Variants in FBN3 observed in about 807,000 individuals in gnomAD.
FBN3 encodes fibrillin-3.
A neutral mutation model predicts 330.1 loss-of-function variants in FBN3; 234 were observed. The observed-to-expected ratio is 0.71, with a 90% CI of 0.64 to 0.79. The LOEUF (loss-of-function observed/expected upper bound fraction) is 0.79, where lower values mean the gene tolerates loss of function less well. Among genes scored for constraint, FBN3 ranks in the 30% least tolerant of loss-of-function variants. The probability of loss-of-function intolerance (pLI) is 0.00; values close to 1 mark genes in which losing one functional copy is unlikely to be tolerated. For missense variants in FBN3, 3,606 were observed against 3,886.9 expected (o/e 0.93, Z 1.92); for synonymous variants, 1,458 against 1,517.3 (o/e 0.96, Z 0.91).
chr19:8,085,825 CT>C (rs2081931249), intron 55 of FBN3, among the ~76,000 whole-genome samples: 1 of 151,986 alleles, frequency 6.6e-6, no homozygotes, highest in South Asian at 2.1e-4. Flanking sequence ...GAGCGTCCCG[CT>C]CTTCCAGTAT....
chr19:8,108,667 G>T (rs994315049), intron 36 of FBN3, among the ~76,000 whole-genome samples: 1 of 152,012 alleles, frequency 6.6e-6, no homozygotes, highest in African/African-American at 2.4e-5. Flanking sequence ...TCACACCTGA[G>T]GCCTTTGCAC....
At chr19:8,086,770 AT>A (rs1250196207) in intron 54 of FBN3, among the ~76,000 whole-genome samples, 6 of 149,932 alleles carry the variant, frequency 4.0e-5, no homozygotes, top group African/African-American at 1.5e-4. Flanking sequence ...GCCCAGCCTT[AT>A]TTTCATTTTT....
chr19:8,094,836 A>T (rs961824289), intron 46 of FBN3, among the ~76,000 whole-genome samples: 1 of 152,086 alleles, frequency 6.6e-6, no homozygotes, highest in African/African-American at 2.4e-5. Flanking sequence ...CCACCAGCAG[A>T]TTCCTTCCAT....
intron 38 of FBN3, 75 bp downstream of exon 38, chr19:8,106,033 G>A (rs1444386789): frequency 6.3e-7 from 1 of 1,576,382 alleles, no homozygotes; most frequent in African/African-American, 1.3e-5. Context: ...CTCTACCCTT[G>A]TGAGGCTTGG....
intron 37 of FBN3, 57 bp from the exon 38 acceptor site, chr19:8,106,290 G>A: frequency 1.2e-6 from 2 of 1,601,404 alleles, no homozygotes; most frequent in Non-Finnish European, 1.7e-6. Flanking sequence ...AGGACTTAAG[G>A]GGCACCCACA....
intron 5 of FBN3, 150 bp downstream of exon 5, chr19:8,145,693 A>AG (rs1383450406): frequency 1.7e-6 from 1 of 588,308 alleles, no homozygotes; most frequent in East Asian, 3.0e-5. Flanking sequence ...AAAAAAAAAA[A>AG]AAAAAAAGAG....
intron 41 of FBN3, 99 bp downstream of exon 41, chr19:8,100,802 G>C: frequency 8.0e-6 from 7 of 875,722 alleles, no homozygotes; most frequent in Non-Finnish European, 1.3e-5. Flanking sequence ...GGATGGAGGA[G>C]TGGATGTAAG....
At chr19:8,141,352 T>G (rs1348830814) in intron 8 of FBN3, among the ~76,000 whole-genome samples, 4 of 121,408 alleles carry the variant, frequency 3.3e-5, no homozygotes, top group Admixed American at 9.7e-5. Flanking sequence ...GGTAACAGAG[T>G]GAGACTCTGT....
In FBN3 at chr19:8,126,839, G is replaced by T. The variant is rs756219280; in HGVS notation, c.2297-7C>A. 3 of 1,542,832 alleles carry T rather than the reference G, an allele frequency of 1.9e-6. No individual in the cohort carries two copies. Among genetic ancestry groups the T allele is most frequent in the Non-Finnish European group, 2.6e-6 (3 of 1,147,322 alleles). ...GACAGGCATTCGTCGACATCTGTGG[G>T]GACAGCCCCCCACCAGGTCCTGAGC... On this transcript the variant is annotated splice_polypyrimidine_tract_variant and splice_region_variant and intron_variant, in intron 18 of 63. Transcript: ENST00000600128.
At chr19:8,106,057 C>A in intron 38 of FBN3, 51 bp downstream of exon 38, 4 of 1,604,788 alleles carry the variant, frequency 2.5e-6, no homozygotes, top group Non-Finnish European at 3.4e-6. Flanking sequence ...GGCAGGAAGG[C>A]AGGGAGAGAG....
chr19:8,092,190 C>A (rs1374988260), intron 47 of FBN3, among the ~76,000 whole-genome samples: 4 of 147,836 alleles, frequency 2.7e-5, no homozygotes, highest in Non-Finnish European at 3.0e-5. Context: ...AAAAAAAAAA[C>A]CAAAAAACTA....
Position 8,095,497 on chromosome 19 carries a change from T to C in FBN3, c.5663A>G (p.Asp1888Gly). 3.1e-6 allele frequency: 5 copies of C among 1,613,168 alleles called. No individual in the cohort carries two copies. Among genetic ancestry groups the C allele is most frequent in the Non-Finnish European group, 4.2e-6 (5 of 1,179,476 alleles). Residue 1888 changes from aspartate (D) to glycine (G), a missense_variant, in exon 46 of 64, where the codon GAT (aspartate) becomes GGT (glycine). Asp to Gly is a moderately conservative substitution (Grantham distance 94). Transcript: ENST00000600128. ...CTGCCCCACCAGGGTAGTACACTCA[T>C]CAAAATCTGTAGAGGGGAGATGGGC... ...VTHNGDCVDF[D>G]ECTTLVGQVC...
Position 8,117,566 on chromosome 19 carries a change from C to T in FBN3, c.3361G>A (p.Asp1121Asn). 23 of 1,555,422 alleles carry T rather than the reference C, an allele frequency of 1.5e-5. No individual in the cohort carries two copies. The highest frequency in any genetic ancestry group is 2.0e-5 in the Non-Finnish European group (23 of 1,149,150). The change falls in exon 27 of 64, where the codon GAT (aspartate) becomes AAT (asparagine). Residue 1121 changes from aspartate to asparagine, a missense_variant. Physicochemically the swap from Asp to Asn is conservative, Grantham distance 23. Coordinates refer to ENST00000600128, the MANE Select transcript of FBN3 (RefSeq NM_032447.5). ...CEDIDECSLS[D>N]GLCPHGQCVN... ...CACTGGCCATGGGGACACAGGCCAT[C>T]ACTCAGGGAGCACTCATCGATGTCT...
intron 2 of FBN3, 56 bp from the exon 3 acceptor site, chr19:8,147,242 G>C (rs570061837): frequency 1.5e-5 from 23 of 1,558,068 alleles, no homozygotes; most frequent in South Asian, 8.3e-5. Context: ...ACATCCCCCC[G>C]GGTATTCCGC....
At chr19:8,147,235 T>A (rs1568465904) in intron 2 of FBN3, 49 bp from the exon 3 acceptor site, 2 of 1,556,416 alleles carry the variant, frequency 1.3e-6, no homozygotes, top group Non-Finnish European at 1.7e-6. Flanking sequence ...CGTGTGGACA[T>A]CCCCCCGGGT....
chr19:8,136,198 G>A lies in FBN3; in HGVS notation c.1457C>T (p.Ala486Val). ...TGGATGGACAGCCGTACCCACGCAT[G>A]CCTGCCTGGTGGGCGTGGCCTGGAA... ...PGFQATPTRQ[A>V]CVDVDECIVS... Residue 486 changes from alanine (A) to valine (V), a missense_variant, in exon 12 of 64, where the codon GCA (alanine) becomes GTA (valine). Coordinates refer to ENST00000600128, the MANE Select transcript of FBN3 (RefSeq NM_032447.5). 5 of 1,613,472 alleles carry A rather than the reference G, an allele frequency of 3.1e-6. No homozygotes were observed. The highest frequency in any genetic ancestry group is 4.2e-6 in the Non-Finnish European group (5 of 1,179,844).
At chr19:8,106,333 G>T in intron 37 of FBN3, 100 bp from the exon 38 acceptor site, 1 of 1,269,224 alleles carries the variant, frequency 7.9e-7, no homozygotes, top group Non-Finnish European at 1.1e-6. Flanking sequence ...CCCTCTCGAG[G>T]ATCCCCAAGT....
intron 37 of FBN3, among the ~76,000 whole-genome samples, chr19:8,106,734 T>C (rs1016628544): frequency 1.5e-4 from 6 of 40,534 alleles, no homozygotes; most frequent in Non-Finnish European, 2.4e-4. Context: ...GATAAGTGGA[T>C]GGATGGATGG....
At position 8,126,335 on chromosome 19, in the gene FBN3, G is replaced by T; in HGVS notation, c.2567C>A (p.Ala856Asp). 6.3e-7 allele frequency: 1 copy of T among 1,590,346 alleles called. No homozygotes were observed. Among genetic ancestry groups the T allele is most frequent in the Non-Finnish European group, 8.5e-7 (1 of 1,170,212 alleles). Reference sequence around the variant, plus strand: ...ACCCGTCATCCGGGCAAAGCCCCGGGCACAGGCAGGGTCTGCAACTGGGAG... The same window carrying T: ...ACCCGTCATCCGGGCAAAGCCCCGGTCACAGGCAGGGTCTGCAACTGGGAG... ...CERCEIDPACARGFARMTGVT... is the reference protein window; with the variant it reads ...CERCEIDPACDRGFARMTGVT... The change falls in exon 21 of 64, where the codon GCC becomes GAC. Residue 856 changes from alanine to aspartate, a missense_variant. Transcript: ENST00000600128.
Sources: gnomAD v4.1 joint callset for allele counts (sites outside exome capture counted in the v4.1 genomes callset) on GRCh38, gnomAD v4.1.1 for gene constraint, MANE v1.5 for transcripts, NCBI Gene and HGNC (gene_info 2026-07-23, HGNC 2026-07-21) for gene names.